ZNF385D: variants seen among roughly 807,000 people sequenced by gnomAD.
ZNF385D encodes the protein zinc finger protein 385D.
In ZNF385D, 15 loss-of-function variants were observed where a neutral mutation model predicts 35.8. The observed-to-expected ratio is 0.42, with a 90% confidence interval of 0.28 to 0.64. The LOEUF (loss-of-function observed/expected upper bound fraction) is 0.64. Among genes scored for constraint, ZNF385D ranks in the 30% least tolerant of loss-of-function variants. The probability of loss-of-function intolerance (pLI) is 0.23; values close to 1 mark genes in which losing one functional copy is unlikely to be tolerated. For missense variants in ZNF385D, 474 were observed against 494.6 expected (o/e 0.96, Z 0.39); for synonymous variants, 212 against 186.8 (o/e 1.13, Z -1.10).
intron 3 of ZNF385D, among the ~76,000 whole-genome samples, chr3:21,998,221 G>A (rs1695608208): frequency 6.6e-6 from 1 of 152,094 alleles, no homozygotes; most frequent in Non-Finnish European, 1.5e-5. Flanking sequence ...AGGTATAAAT[G>A]TAGCCAGGCA....
chr3:21,460,562 TTCTA>T (rs1457087457), intron 4 of ZNF385D, among the ~76,000 whole-genome samples: 3 of 152,198 alleles, frequency 2.0e-5, no homozygotes, highest in Non-Finnish European at 4.4e-5. Flanking sequence ...AATGAAATCT[TTCTA>T]TATAATCTCA....
intron 2 of ZNF385D, among the ~76,000 whole-genome samples, chr3:22,366,799 GGCTTTAAAT>G (rs1696677919): frequency 6.6e-6 from 1 of 152,150 alleles, no homozygotes; most frequent in South Asian, 2.1e-4. Context: ...TATAAGGGTA[GGCTTTAAAT>G]GCAAATATAA....
intron 4 of ZNF385D, among the ~76,000 whole-genome samples, chr3:21,442,950 G>A (rs1042602518): frequency 2.7e-5 from 4 of 149,772 alleles, no homozygotes; most frequent in African/African-American, 9.8e-5. Context: ...CTTCTATCTG[G>A]AAACCAGAGA....
intron 2 of ZNF385D, among the ~76,000 whole-genome samples, chr3:21,606,738 C>G (rs1311649384): frequency 6.6e-6 from 1 of 152,156 alleles, no homozygotes; most frequent in Non-Finnish European, 1.5e-5. Context: ...ATAAATTCCA[C>G]CATCAGACCT....
chr3:21,748,904 G>A (rs1042011974), intron 1 of ZNF385D, among the ~76,000 whole-genome samples: 4 of 151,976 alleles, frequency 2.6e-5, no homozygotes, highest in Non-Finnish European at 5.9e-5. Context: ...AATTCTTTTT[G>A]CCCTCGCTCT....
intron 3 of ZNF385D, among the ~76,000 whole-genome samples, chr3:22,026,233 G>A (rs1697542868): frequency 1.3e-5 from 2 of 152,078 alleles, no homozygotes; most frequent in Admixed American, 6.5e-5. Context: ...AGAGAATCAT[G>A]GCCCCTCAAT....
intron 2 of ZNF385D, among the ~76,000 whole-genome samples, chr3:22,275,320 C>A (rs1007431413): frequency 6.6e-6 from 1 of 152,058 alleles, no homozygotes; most frequent in Non-Finnish European, 1.5e-5. Flanking sequence ...TCAGCCAACA[C>A]CTTCACCTTG....
intron 3 of ZNF385D, among the ~76,000 whole-genome samples, chr3:21,946,780 C>T (rs1280084028): frequency 6.6e-6 from 1 of 152,074 alleles, no homozygotes; most frequent in Non-Finnish European, 1.5e-5. Flanking sequence ...TGCAGTGAGC[C>T]GAAATTGCGC....
chr3:21,948,383 T>A (rs1277237236), intron 3 of ZNF385D, among the ~76,000 whole-genome samples: 2 of 151,008 alleles, frequency 1.3e-5, no homozygotes, highest in Admixed American at 1.3e-4. Context: ...GTTTTTCTTT[T>A]CTTTCTTTGC....
At chr3:21,776,450 G>A (rs886066478) in intron 3 of ZNF385D, among the ~76,000 whole-genome samples, 3 of 151,920 alleles carry the variant, frequency 2.0e-5, no homozygotes, top group African/African-American at 7.2e-5. Context: ...CTTTAAAAAA[G>A]AACGACGTAT....
intron 3 of ZNF385D, among the ~76,000 whole-genome samples, chr3:21,767,741 T>C (rs990924423): frequency 6.6e-5 from 10 of 151,984 alleles, no homozygotes; most frequent in African/African-American, 2.4e-4. Context: ...AAGGATTATA[T>C]ATTGTGATAT....
At chr3:21,669,133 C>T (rs1423089604) in intron 1 of ZNF385D, among the ~76,000 whole-genome samples, 1 of 152,144 alleles carries the variant, frequency 6.6e-6, no homozygotes, top group African/African-American at 2.4e-5. Context: ...ATAGCCTATG[C>T]TATTTTATTA....
intron 3 of ZNF385D, among the ~76,000 whole-genome samples, chr3:21,841,217 A>T (rs1249016256): frequency 6.6e-6 from 1 of 152,060 alleles, no homozygotes; most frequent in African/African-American, 2.4e-5. Flanking sequence ...TAACAGACGT[A>T]ACTCATTCTC....
intron 3 of ZNF385D, among the ~76,000 whole-genome samples, chr3:21,915,883 C>G (rs1700170525): frequency 6.6e-6 from 1 of 152,094 alleles, no homozygotes; most frequent in Non-Finnish European, 1.5e-5. Context: ...AAAAATAACT[C>G]AGAATGAGGT....
At chr3:22,081,778 T>A (rs1700762497) in intron 3 of ZNF385D, among the ~76,000 whole-genome samples, 1 of 152,192 alleles carries the variant, frequency 6.6e-6, no homozygotes, top group South Asian at 2.1e-4. Context: ...ATATTGATTC[T>A]CTGGTCATTT....
At chr3:21,946,365 A>T (rs1300184331) in intron 3 of ZNF385D, among the ~76,000 whole-genome samples, 1 of 152,154 alleles carries the variant, frequency 6.6e-6, no homozygotes, top group African/African-American at 2.4e-5. Flanking sequence ...TCAACACATA[A>T]AGCAGTCTAC....
chr3:21,455,349 C>T (rs1702731385), intron 4 of ZNF385D, among the ~76,000 whole-genome samples: 1 of 152,172 alleles, frequency 6.6e-6, no homozygotes, highest in South Asian at 2.1e-4. Context: ...TACAAGCCTA[C>T]AGTAACCAAA....
chr3:21,767,816 G>A (rs1233548581), intron 3 of ZNF385D, among the ~76,000 whole-genome samples: 7 of 151,960 alleles, frequency 4.6e-5, no homozygotes, highest in African/African-American at 7.2e-5. Context: ...CTTTTGGAAC[G>A]CTTTAGTAAT....
intron 3 of ZNF385D, among the ~76,000 whole-genome samples, chr3:21,838,793 TATAAA>T (rs1695486676): frequency 6.6e-6 from 1 of 152,040 alleles, no homozygotes; most frequent in African/African-American, 2.4e-5. Flanking sequence ...TAACTATAAT[TATAAA>T]ATATCACCAA....
Sources: gnomAD v4.1 joint callset for allele counts (sites outside exome capture counted in the v4.1 genomes callset) on GRCh38, gnomAD v4.1.1 for gene constraint, MANE v1.5 for transcripts, NCBI Gene and HGNC (gene_info 2026-07-23, HGNC 2026-07-21) for gene names.